UGT2B4: variants seen among roughly 807,000 people sequenced by gnomAD.
UGT2B4 encodes the protein UDP-glucuronosyltransferase 2B4.
Under a neutral mutation model 49.8 loss-of-function variants are expected in UGT2B4, and 49 were observed. The ratio of observed to expected loss-of-function variants is 0.98; its 90% CI spans 0.78 to 1.25. UGT2B4 has a LOEUF of 1.25. Ranked by LOEUF, UGT2B4 falls within the 50% of genes most tolerant of loss-of-function variation. UGT2B4 has a pLI of 0.00. For missense variants in UGT2B4, 729 were observed against 627.7 expected (o/e 1.16, Z -1.73); for synonymous variants, 246 against 217.7 (o/e 1.13, Z -1.14).
At chr4:69,485,624 C>T (rs1727758585) in intron 4 of UGT2B4, among the ~76,000 whole-genome samples, 197 bp from the exon 5 acceptor site, 1 of 151,792 alleles carries the variant, frequency 6.6e-6, no homozygotes, top group African/African-American at 2.4e-5. Context: ...TAACTTCAGA[C>T]TGAAAAAATT....
chr4:69,485,255 C>A lies in UGT2B4; in HGVS notation c.1263G>T (p.Ser421=), dbSNP rs201500719. The change falls in exon 5 of 6, where the codon TCG becomes TCT. Residue 421 remains serine, a synonymous_variant. Transcript: ENST00000305107. ...AAVSLDFHTM[S]STDLLNALKT... ...TCAGTGCATTGAGTAAGTCTGTACT[C>A]GACATTGTGTGGAAGTCCAAACTAA... 1.9e-6 allele frequency: 3 copies of A among 1,613,816 alleles called. No individual in the cohort carries two copies. The highest frequency in any genetic ancestry group is 1.7e-6 in the Non-Finnish European group (2 of 1,179,924).
intron 1 of UGT2B4, among the ~76,000 whole-genome samples, chr4:69,518,643 T>C (rs1032079198): frequency 2.0e-5 from 3 of 152,160 alleles, no homozygotes; most frequent in African/African-American, 7.2e-5. Context: ...ATTACCTAGA[T>C]TGATGTTAAG....
chr4:69,513,058 C>A (rs1179883715), intron 1 of UGT2B4, among the ~76,000 whole-genome samples: 1 of 152,116 alleles, frequency 6.6e-6, no homozygotes, highest in Non-Finnish European at 1.5e-5. Flanking sequence ...ATGGTAGTTT[C>A]TTTTGCTGTG....
intron 1 of UGT2B4, among the ~76,000 whole-genome samples, chr4:69,521,405 C>A (rs1728846650): frequency 6.6e-6 from 1 of 152,318 alleles, no homozygotes; most frequent in Non-Finnish European, 1.5e-5. Flanking sequence ...CCAGGTGCCA[C>A]CACATTCCCC....
upstream of UGT2B4, among the ~76,000 whole-genome samples, chr4:69,498,574 C>A (rs1728224986): frequency 6.6e-6 from 1 of 150,572 alleles, no homozygotes; most frequent in South Asian, 2.1e-4. Context: ...TTATAGGTCT[C>A]ATCTTATTCT....
chr4:69,520,487 C>T (rs937742453), intron 1 of UGT2B4, among the ~76,000 whole-genome samples: 7 of 152,206 alleles, frequency 4.6e-5, no homozygotes, highest in African/African-American at 1.7e-4. Flanking sequence ...CTTGGGCATC[C>T]CTGTATTCAT....
intron 2 of UGT2B4, among the ~76,000 whole-genome samples, chr4:69,490,890 C>T (rs534173243): frequency 3.9e-5 from 6 of 152,216 alleles, no homozygotes; most frequent in African/African-American, 1.4e-4. Flanking sequence ...CCGCCTTCAT[C>T]CACCCAGTGT....
At chr4:69,490,206 G>T (rs1727939787) in intron 2 of UGT2B4, among the ~76,000 whole-genome samples, 1 of 152,070 alleles carries the variant, frequency 6.6e-6, no homozygotes, top group Non-Finnish European at 1.5e-5. Context: ...TGCTGTTGTG[G>T]TTTGGAATTT....
rs1258713918 is a variant in UGT2B4, at chr4:69,525,579, G to A, written c.-106+108C>T. On this transcript the variant is annotated intron_variant, in intron 1 of 1. Transcript: ENST00000510114. The stretch of plus-strand genomic sequence containing the variant: ...TTTGGAGACTCATTTTTTGGGCAAC[G>A]TGATATAGTTTCAAGATATGGGTTA... 24 of 510,270 alleles carry A rather than the reference G, an allele frequency of 4.7e-5. 1 individual carries two copies. The highest frequency in any genetic ancestry group is 6.0e-5 in the Non-Finnish European group (23 of 383,604). The allele number at this position is 510,270 out of a possible 1,614,324, so 31.6% of individuals were successfully genotyped here. A position where few individuals can be genotyped will look rare whatever the true frequency, so the allele number is the denominator to read the frequency against.
chr4:69,499,859 A>G (rs1197797432), upstream of UGT2B4, among the ~76,000 whole-genome samples: 1 of 152,172 alleles, frequency 6.6e-6, no homozygotes, highest in Non-Finnish European at 1.5e-5. Context: ...TAGCCCATTT[A>G]CTTTTAAGGT....
chr4:69,503,250 C>T (rs1728389347), intron 1 of UGT2B4, among the ~76,000 whole-genome samples: 2 of 152,178 alleles, frequency 1.3e-5, no homozygotes, highest in African/African-American at 4.8e-5. Flanking sequence ...CTGGCCATGA[C>T]TGCTTACAGG....
At chr4:69,516,568 T>C (rs1290352219) in intron 1 of UGT2B4, among the ~76,000 whole-genome samples, 1 of 152,204 alleles carries the variant, frequency 6.6e-6, no homozygotes, top group African/African-American at 2.4e-5. Flanking sequence ...TTGATTTTCA[T>C]TTCTGTAATG....
intron 1 of UGT2B4, among the ~76,000 whole-genome samples, chr4:69,520,126 CTT>C (rs1046008274): frequency 1.3e-5 from 2 of 151,940 alleles, no homozygotes; most frequent in African/African-American, 2.4e-5. Context: ...TTGAAGCAAA[CTT>C]AAGAAAAATA....
intron 2 of UGT2B4, 81 bp downstream of exon 2, chr4:69,493,612 T>C: frequency 6.8e-7 from 1 of 1,478,958 alleles, no homozygotes; most frequent in South Asian, 1.5e-5. Context: ...TTTCTTCCAG[T>C]GTAAGTCAAA....
intron 1 of UGT2B4, among the ~76,000 whole-genome samples, chr4:69,504,678 TC>T (rs1463671713): frequency 4.2e-5 from 4 of 95,488 alleles, no homozygotes; most frequent in Admixed American, 1.2e-4. Context: ...AAACCATATT[TC>T]AGGTACCATC....
At chr4:69,502,639 C>T (rs1560439318) in intron 1 of UGT2B4, among the ~76,000 whole-genome samples, 1 of 152,114 alleles carries the variant, frequency 6.6e-6, no homozygotes, top group Non-Finnish European at 1.5e-5. Flanking sequence ...TCTCCCAAGC[C>T]TGGGCCTCTA....
chr4:69,496,576 G>A (rs41299962), upstream of UGT2B4, among the ~76,000 whole-genome samples: 1,829 of 152,196 alleles, frequency 0.012, 48 homozygotes, highest in African/African-American at 0.042. Flanking sequence ...ATGTTTCATA[G>A]TATATTCACA....
intron 1 of UGT2B4, among the ~76,000 whole-genome samples, chr4:69,502,120 T>TCTTTCTTC (rs1728345924): frequency 7.1e-6 from 1 of 141,228 alleles, no homozygotes; most frequent in Non-Finnish European, 1.5e-5. Flanking sequence ...TTTCTTTCTT[T>TCTTTCTTC]CTTTCTTTCT....
intron 5 of UGT2B4, among the ~76,000 whole-genome samples, chr4:69,481,275 A>G (rs1330695208): frequency 6.6e-6 from 1 of 152,066 alleles, no homozygotes; most frequent in Non-Finnish European, 1.5e-5. Flanking sequence ...TCTCAAAAAA[A>G]GAGAAGGTAA....
Sources: allele counts gnomAD v4.1 joint callset (sites outside exome capture counted in the v4.1 genomes callset), GRCh38; gene constraint gnomAD v4.1.1; transcripts MANE v1.5; gene names NCBI Gene and HGNC (gene_info 2026-07-23, HGNC 2026-07-21).